CFAP299: variants seen among roughly 807,000 people sequenced by gnomAD.
CFAP299 encodes the protein cilia- and flagella-associated protein 299.
In CFAP299, 21 loss-of-function variants were observed where a neutral mutation model predicts 27.0. That is an observed-to-expected ratio of 0.78 (90% CI 0.55 to 1.12). The LOEUF (loss-of-function observed/expected upper bound fraction) is 1.12. CFAP299 is among the 50% of genes most tolerant of loss of function. The pLI, the probability that CFAP299 is intolerant of heterozygous loss-of-function variation, is 0.00. For missense variants in CFAP299, 310 were observed against 276.6 expected, an observed-to-expected ratio of 1.12 and a Z score of -0.86; for synonymous variants, 104 against 98.1, an observed-to-expected ratio of 1.06 and a Z score of -0.36.
intron 2 of CFAP299, among the ~76,000 whole-genome samples, chr4:80,440,645 T>C (rs1026759030): frequency 1.2e-4 from 19 of 152,266 alleles, no homozygotes; most frequent in African/African-American, 4.3e-4. Context: ...CCAGAATGCC[T>C]CTTCTCCTCT....
intron 1 of CFAP299, among the ~76,000 whole-genome samples, chr4:80,337,357 T>A: frequency 6.6e-6 from 1 of 152,238 alleles, no homozygotes; most frequent in Middle Eastern, 3.4e-3. Context: ...TTAATATTAA[T>A]TACAGATGTG....
chr4:80,447,130 GT>G (rs1553923883), intron 2 of CFAP299, among the ~76,000 whole-genome samples: 102 of 105,274 alleles, frequency 9.7e-4, no homozygotes, highest in African/African-American at 2.8e-3. Context: ...TTTTTTTTTT[GT>G]TTTTTTTTTT....
At chr4:80,733,770 A>G (rs993021492) in intron 3 of CFAP299, among the ~76,000 whole-genome samples, 2 of 152,066 alleles carry the variant, frequency 1.3e-5, no homozygotes, top group Non-Finnish European at 1.5e-5. Context: ...CTCCAGTTCC[A>G]TTTATGTTGT....
chr4:80,352,732 C>CAG (rs56048937), intron 1 of CFAP299, among the ~76,000 whole-genome samples: 128,421 of 151,872 alleles, frequency 0.85, 54,478 homozygotes, highest in African/African-American at 0.91. Context: ...GTGATCATAA[C>CAG]AATTAAAACT....
chr4:80,474,926 C>T (rs142019566), intron 2 of CFAP299, among the ~76,000 whole-genome samples: 114 of 151,994 alleles, frequency 7.5e-4, no homozygotes, highest in African/African-American at 2.6e-3. Context: ...GAAAATAATG[C>T]CGAAAAAGGT....
At chr4:80,367,170 G>T (rs986195961) in intron 2 of CFAP299, among the ~76,000 whole-genome samples, 2 of 152,114 alleles carry the variant, frequency 1.3e-5, no homozygotes, top group Non-Finnish European at 2.9e-5. Flanking sequence ...CTATTGACTT[G>T]TGCACCTTAA....
chr4:80,898,461 G>A (rs1734722802), intron 4 of CFAP299, among the ~76,000 whole-genome samples: 1 of 152,018 alleles, frequency 6.6e-6, no homozygotes, highest in South Asian at 2.1e-4. Flanking sequence ...GGTTTTTATG[G>A]GCACTGGATG....
At chr4:80,827,407 A>G (rs1053450140) in intron 3 of CFAP299, among the ~76,000 whole-genome samples, 5 of 151,880 alleles carry the variant, frequency 3.3e-5, no homozygotes, top group Non-Finnish European at 7.4e-5. Context: ...CTTAAGCATG[A>G]TCAACACAAA....
chr4:80,605,491 A>C (rs569973446), intron 3 of CFAP299, among the ~76,000 whole-genome samples: 1 of 152,334 alleles, frequency 6.6e-6, no homozygotes, highest in East Asian at 1.9e-4. Flanking sequence ...ATGGCATTAC[A>C]AAATGCTCTT....
intron 3 of CFAP299, among the ~76,000 whole-genome samples, chr4:80,710,458 T>C (rs1722076303): frequency 6.8e-6 from 1 of 147,800 alleles, no homozygotes; most frequent in Non-Finnish European, 1.5e-5. Flanking sequence ...AAGTCTCTCA[T>C]AACGTGGGCT....
intron 2 of CFAP299, among the ~76,000 whole-genome samples, chr4:80,536,914 T>C (rs1490183387): frequency 6.6e-6 from 1 of 151,940 alleles, no homozygotes; most frequent in Non-Finnish European, 1.5e-5. Flanking sequence ...AGAGACAACC[T>C]ACAGAATGGG....
intron 2 of CFAP299, among the ~76,000 whole-genome samples, chr4:80,365,526 G>A (rs1723784991): frequency 6.6e-6 from 1 of 152,104 alleles, no homozygotes; most frequent in Non-Finnish European, 1.5e-5. Flanking sequence ...CTTATCACAG[G>A]TAATTTATAT....
rs1048012188 is a variant in CFAP299, at chr4:80,585,149, G to A, written c.333+1966G>A. On this transcript the variant is annotated intron_variant, in intron 3 of 5. Transcript: ENST00000358105. ...GAAATGATTTGAGAGCTATTTAGAA[G>A]GCAAATTTGGCAGGATGCTGTGATA... Among the ~76,000 whole-genome samples, 56 of 151,998 alleles carry A rather than the reference G, an allele frequency of 3.7e-4. 1 individual carries two copies. The highest frequency in any genetic ancestry group is 3.7e-3 in the Admixed American group (56 of 15,226).
intron 3 of CFAP299, among the ~76,000 whole-genome samples, chr4:80,813,669 A>G (rs1165947430): frequency 6.6e-6 from 1 of 152,010 alleles, no homozygotes; most frequent in African/African-American, 2.4e-5. Context: ...AGTTTAAGAA[A>G]CCAAAGTTCA....
intron 3 of CFAP299, among the ~76,000 whole-genome samples, chr4:80,830,974 T>G (rs1178447452): frequency 6.6e-6 from 1 of 152,082 alleles, no homozygotes; most frequent in African/African-American, 2.4e-5. Flanking sequence ...TACAAGATAT[T>G]TACTATTTTA....
At chr4:80,793,531 A>G (rs191530929) in intron 3 of CFAP299, among the ~76,000 whole-genome samples, 1 of 152,226 alleles carries the variant, frequency 6.6e-6, no homozygotes, top group East Asian at 1.9e-4. Context: ...CCCCTTGTCA[A>G]TTTGCCCCAT....
rs182673139 is a variant in CFAP299 at position 80,340,020 on chromosome 4, T to C, written c.111+4141T>C. Reference sequence around the variant, plus strand: ...CATTGTCTTCCCATTATTTATAAAATAGAAATGGGGAGGGGCCAAGATGGC... The same window carrying C: ...CATTGTCTTCCCATTATTTATAAAACAGAAATGGGGAGGGGCCAAGATGGC... On this transcript the variant is annotated intron_variant, in intron 1 of 5. Transcript: ENST00000358105. 4.8e-3 allele frequency among the ~76,000 whole-genome samples: 730 copies of C among 152,256 alleles called. 2 individuals carry two copies. The highest frequency in any genetic ancestry group is 6.8e-3 in the Middle Eastern group (2 of 294).
chr4:80,802,983 T>G (rs1457732073), intron 3 of CFAP299, among the ~76,000 whole-genome samples: 1 of 152,048 alleles, frequency 6.6e-6, no homozygotes, highest in Admixed American at 6.6e-5. Flanking sequence ...CTTTCAAAAG[T>G]AGGGTTAAAC....
intron 3 of CFAP299, among the ~76,000 whole-genome samples, chr4:80,860,182 C>T (rs1422274997): frequency 6.6e-6 from 1 of 152,166 alleles, no homozygotes; most frequent in Non-Finnish European, 1.5e-5. Flanking sequence ...CGCTGATACC[C>T]TTTCTTCCAG....
Sources: gnomAD v4.1 joint callset for allele counts (sites outside exome capture counted in the v4.1 genomes callset) on GRCh38, gnomAD v4.1.1 for gene constraint, MANE v1.5 for transcripts, NCBI Gene and HGNC (gene_info 2026-07-23, HGNC 2026-07-21) for gene names.